Variants in CRPPA observed in about 807,000 individuals in gnomAD.
CRPPA encodes the protein D-ribitol-5-phosphate cytidylyltransferase.
CRPPA carries 43 observed loss-of-function variants against 52.0 expected under a neutral mutation model. The ratio of observed to expected loss-of-function variants is 0.83; its 90% confidence interval spans 0.65 to 1.07. CRPPA has a LOEUF of 1.07. CRPPA is among the 50% of genes least tolerant of loss of function. The pLI is 0.00. For missense variants in CRPPA, 629 were observed against 551.7 expected, an observed-to-expected ratio of 1.14 and a Z score of -1.40; for synonymous variants, 250 against 203.5, an observed-to-expected ratio of 1.23 and a Z score of -1.94.
At chr7:16,218,632 G>A (rs1782402887) in intron 8 of CRPPA, among the ~76,000 whole-genome samples, 1 of 69,132 alleles carries the variant, frequency 1.4e-5, no homozygotes. Context: ...AAAAGGCAGG[G>A]GTTGCAATCC....
chr7:16,348,534 G>A (rs571127269), intron 3 of CRPPA, among the ~76,000 whole-genome samples: 2 of 152,332 alleles, frequency 1.3e-5, no homozygotes, highest in East Asian at 3.9e-4. Flanking sequence ...AAGGGACTAG[G>A]TATATGAGCG....
intron 9 of CRPPA, among the ~76,000 whole-genome samples, chr7:16,130,573 C>A (rs1188789575): frequency 6.6e-6 from 1 of 152,076 alleles, no homozygotes; most frequent in East Asian, 1.9e-4. Flanking sequence ...CTGACTCCAC[C>A]CCTCCTTCTG....
At chr7:16,170,163 G>C (rs1781149183) in intron 9 of CRPPA, among the ~76,000 whole-genome samples, 1 of 152,114 alleles carries the variant, frequency 6.6e-6, no homozygotes, top group Non-Finnish European at 1.5e-5. Context: ...AGAATTGACT[G>C]TCATAGCTCC....
At chr7:16,357,894 G>C (rs1786344116) in intron 3 of CRPPA, among the ~76,000 whole-genome samples, 1 of 152,160 alleles carries the variant, frequency 6.6e-6, no homozygotes, top group Non-Finnish European at 1.5e-5. Flanking sequence ...CAGAGTTGGT[G>C]CGTGGTCAGC....
chr7:16,364,873 A>G (rs577196093), intron 3 of CRPPA, among the ~76,000 whole-genome samples: 1 of 152,204 alleles, frequency 6.6e-6, no homozygotes, highest in African/African-American at 2.4e-5. Flanking sequence ...TGTCTCCCAG[A>G]CTGTGAGAGA....
intron 2 of CRPPA, among the ~76,000 whole-genome samples, chr7:16,378,827 A>G (rs969971672): frequency 2.6e-5 from 4 of 152,058 alleles, no homozygotes; most frequent in African/African-American, 9.7e-5. Context: ...ATGGTATCTC[A>G]CTGTGGTTTT....
At chr7:16,175,244 C>G (rs967517904) in intron 9 of CRPPA, among the ~76,000 whole-genome samples, 2 of 152,070 alleles carry the variant, frequency 1.3e-5, no homozygotes, top group African/African-American at 4.8e-5. Context: ...AAACCCAAAT[C>G]ACAGTACTCT....
rs114079583 is a variant in CRPPA at position 16,150,107 on chromosome 7, A to T, written c.1252-58308T>A. Among the ~76,000 whole-genome samples, 846 of 152,268 alleles carry T rather than the reference A, an allele frequency of 5.6e-3. 7 individuals carry two copies. Among genetic ancestry groups the T allele is most frequent in the African/African-American group, 0.019 (788 of 41,556 alleles). On this transcript the variant is annotated intron_variant, in intron 9 of 9. Coordinates refer to ENST00000407010, the MANE Select transcript of CRPPA (RefSeq NM_001101426.4). ...ACGAAACTGGTATTCCTCATTTTAC[A>T]TAGTCATAGTATTTTTGTAAAATCA...
At chr7:16,397,996 CAT>C (rs1278778677) in intron 2 of CRPPA, among the ~76,000 whole-genome samples, 1 of 152,246 alleles carries the variant, frequency 6.6e-6, no homozygotes, top group African/African-American at 2.4e-5. Flanking sequence ...ACCTAACCAA[CAT>C]GTGACTGATG....
chr7:16,400,051 C>T (rs1214554064), intron 2 of CRPPA, among the ~76,000 whole-genome samples: 1 of 152,076 alleles, frequency 6.6e-6, no homozygotes, highest in African/African-American at 2.4e-5. Flanking sequence ...ATACACAACA[C>T]GTGATTGGCA....
intron 9 of CRPPA, among the ~76,000 whole-genome samples, chr7:16,150,608 A>T (rs1303635800): frequency 6.6e-6 from 1 of 152,238 alleles, no homozygotes; most frequent in Non-Finnish European, 1.5e-5. Flanking sequence ...GATATAAGAA[A>T]AAATGAGTAA....
At chr7:16,286,038 AATATAAATATAT>A (rs1263707273) in intron 5 of CRPPA, among the ~76,000 whole-genome samples, 676 of 17,434 alleles carry the variant, frequency 0.039, 41 homozygotes, top group African/African-American at 0.068. Flanking sequence ...AAAAAAAAAA[AATATAAATATAT>A]ATATATATAT....
intron 9 of CRPPA, among the ~76,000 whole-genome samples, chr7:16,110,936 G>C (rs527571041): frequency 1.7e-4 from 26 of 152,232 alleles, no homozygotes; most frequent in African/African-American, 6.3e-4. Flanking sequence ...AAGTAGACAA[G>C]TGTGATTAGA....
intron 9 of CRPPA, among the ~76,000 whole-genome samples, chr7:16,173,160 A>T (rs1480136894): frequency 6.6e-6 from 1 of 152,208 alleles, no homozygotes; most frequent in Non-Finnish European, 1.5e-5. Flanking sequence ...GACCAATTCA[A>T]TGAAAAATTC....
At chr7:16,165,351 G>A (rs1032251517) in intron 9 of CRPPA, among the ~76,000 whole-genome samples, 1 of 152,000 alleles carries the variant, frequency 6.6e-6, no homozygotes, top group Admixed American at 6.5e-5. Context: ...AAGCAAACTA[G>A]CAACAATACT....
Position 16,327,109 on chromosome 7 carries a change from T to C in CRPPA, c.685-18482A>G, listed in dbSNP as rs771047298. Among the ~76,000 whole-genome samples the C allele has an allele frequency of 8.2e-4, 125 of 152,194 alleles. 1 individual carries two copies. The highest frequency in any genetic ancestry group is 7.8e-4 in the Admixed American group (12 of 15,288). On this transcript the variant is annotated intron_variant, in intron 3 of 9. Coordinates refer to ENST00000407010, the MANE Select transcript of CRPPA (RefSeq NM_001101426.4). Reference sequence around the variant, plus strand: ...TCCCCAGGAGAGTAAAAATATTTCATAGGATCTTTACCAACACCTGCCTCA... The same window carrying C: ...TCCCCAGGAGAGTAAAAATATTTCACAGGATCTTTACCAACACCTGCCTCA...
At chr7:16,272,692 G>T (rs576984390) in intron 6 of CRPPA, among the ~76,000 whole-genome samples, 2 of 152,222 alleles carry the variant, frequency 1.3e-5, no homozygotes, top group Non-Finnish European at 2.9e-5. Context: ...TTTCCTAAGG[G>T]GATGTCTTTC....
At position 16,088,203 on chromosome 7, in the gene CRPPA, G is replaced by T. The variant is rs531741504; in HGVS notation, c.*3492C>A. 1 of 152,180 alleles carries T rather than the reference G, an allele frequency of 6.6e-6. No homozygotes were observed. Among genetic ancestry groups the T allele is most frequent in the South Asian group, 2.1e-4 (1 of 4,830 alleles). The allele number at this position is 152,180 out of a possible 1,614,324, so 9.4% of individuals were successfully genotyped here. On this transcript the variant is annotated 3_prime_UTR_variant, in exon 10 of 10. Coordinates refer to ENST00000407010, the MANE Select transcript of CRPPA (RefSeq NM_001101426.4). Reference sequence around the variant, plus strand: ...CTCCTAAGACGACTAACTTTAATTTGCATTTAACTAACTAGCGTAAGTTTA... The same window carrying T: ...CTCCTAAGACGACTAACTTTAATTTTCATTTAACTAACTAGCGTAAGTTTA...
At chr7:16,190,796 T>C (rs988257313) in intron 9 of CRPPA, among the ~76,000 whole-genome samples, 6 of 152,076 alleles carry the variant, frequency 3.9e-5, no homozygotes, top group Non-Finnish European at 7.4e-5. Flanking sequence ...GTCCCCGAAA[T>C]CCATTGTATG....
Sources: allele counts gnomAD v4.1 joint callset (sites outside exome capture counted in the v4.1 genomes callset), GRCh38; gene constraint gnomAD v4.1.1; transcripts MANE v1.5; gene names NCBI Gene and HGNC (gene_info 2026-07-23, HGNC 2026-07-21).